The following SOS1 variants were observed in gnomAD, a reference collection of about 807,000 sequenced individuals.
SOS1 encodes son of sevenless homolog 1.
SOS1 carries 25 observed loss-of-function variants against 157.6 expected under a neutral mutation model. That is an observed-to-expected ratio of 0.16 (90% CI 0.12 to 0.22). SOS1 has a LOEUF of 0.22. Ranked by LOEUF, SOS1 falls within the 10% of genes least tolerant of loss-of-function variation. SOS1 has a pLI of 1.00. For synonymous variants in SOS1, 528 were observed against 534.0 expected (o/e 0.99, Z 0.16); for missense variants, 1,237 against 1,599.1 (o/e 0.77, Z 3.86).
intron 1 of SOS1, among the ~76,000 whole-genome samples, chr2:39,080,253 C>G (rs1249405982): frequency 6.6e-6 from 1 of 151,982 alleles, no homozygotes; most frequent in Non-Finnish European, 1.5e-5. Context: ...AACCTAGATG[C>G]CTCACATGCA....
chr2:39,038,405 T>C (rs1670431589), intron 6 of SOS1, among the ~76,000 whole-genome samples: 2 of 151,958 alleles, frequency 1.3e-5, no homozygotes, highest in South Asian at 4.2e-4. Context: ...ATGATAAAAC[T>C]TGAATGGAGA....
chr2:39,050,880 TTACAGTAGGCCATTGGGTGACAG>T (rs1670990245), intron 6 of SOS1, among the ~76,000 whole-genome samples: 1 of 152,166 alleles, frequency 6.6e-6, no homozygotes, highest in South Asian at 2.1e-4. Flanking sequence ...TCTTAACGTT[TTACAGTAGGCCATTGGGTGACAG>T]CTGTAATACC....
intron 1 of SOS1, among the ~76,000 whole-genome samples, chr2:39,084,516 G>C (rs1318706311): frequency 6.6e-6 from 1 of 151,744 alleles, no homozygotes; most frequent in African/African-American, 2.4e-5. Context: ...GAGAAGAGAA[G>C]AAAAAGGGGG....
intron 1 of SOS1, among the ~76,000 whole-genome samples, chr2:39,085,403 T>A (rs1364006875): frequency 6.6e-6 from 1 of 152,228 alleles, no homozygotes; most frequent in African/African-American, 2.4e-5. Context: ...TAAGCTGGAA[T>A]GGCAATTCAC....
At chr2:39,117,222 G>A (rs1447484229) in intron 1 of SOS1, among the ~76,000 whole-genome samples, 2 of 151,988 alleles carry the variant, frequency 1.3e-5, no homozygotes, top group Non-Finnish European at 2.9e-5. Flanking sequence ...TAGAGATGGG[G>A]TTTCACCACG....
chr2:39,072,940 G>C (rs1036319855), intron 1 of SOS1, among the ~76,000 whole-genome samples: 1 of 152,120 alleles, frequency 6.6e-6, no homozygotes, highest in African/African-American at 2.4e-5. Context: ...CGCAAGCAGA[G>C]TACCAACTCC....
rs947896619 is a variant in SOS1 at position 39,036,205 on chromosome 2, T to C, written c.865-705A>G. 2.6e-5 allele frequency among the ~76,000 whole-genome samples: 4 copies of C among 152,198 alleles called. No individual in the cohort carries two copies. In the South Asian group the frequency reaches 8.3e-4, roughly 32 times the overall value. On this transcript the variant is annotated intron_variant, in intron 6 of 22. Transcript: ENST00000402219. Reference sequence around the variant, plus strand: ...CTATTATGAAAATGGTGCTCTAGATTCTAGCATGAGCTCATTTCCATAAAG... The same window carrying C: ...CTATTATGAAAATGGTGCTCTAGATCCTAGCATGAGCTCATTTCCATAAAG...
chr2:39,009,269 T>C (rs1669383153), intron 15 of SOS1, among the ~76,000 whole-genome samples: 1 of 151,960 alleles, frequency 6.6e-6, no homozygotes, highest in African/African-American at 2.4e-5. Flanking sequence ...AAAAAAAATA[T>C]TAACTTGAAG....
chr2:39,037,340 A>G (rs902930484), intron 6 of SOS1, among the ~76,000 whole-genome samples: 2 of 152,202 alleles, frequency 1.3e-5, no homozygotes, highest in Admixed American at 1.3e-4. Context: ...TCATATGCCA[A>G]ATATCATAAT....
intron 1 of SOS1, among the ~76,000 whole-genome samples, chr2:39,119,399 C>A (rs1159063809): frequency 6.6e-6 from 1 of 152,168 alleles, no homozygotes; most frequent in Non-Finnish European, 1.5e-5. Flanking sequence ...AAATATCAGA[C>A]ACCTTTTAAT....
At chr2:39,034,986 AAAC>A (rs1670293298) in intron 8 of SOS1, 1 of 607,366 alleles carries the variant, frequency 1.6e-6, no homozygotes, top group Non-Finnish European at 3.0e-6. Context: ...AAAAAAGAAA[AAAC>A]AAAAAACAAA....
chr2:39,083,178 C>T lies in SOS1; in HGVS notation c.88-15425G>A, dbSNP rs549939269. Among the ~76,000 whole-genome samples the T allele has an allele frequency of 1.0e-3, 153 of 152,110 alleles. 1 individual carries two copies. Among genetic ancestry groups the T allele is most frequent in the Non-Finnish European group, 4.1e-4 (28 of 67,976 alleles). ...CCTCTACTGATTTAGTTGGGTATGA[C>T]AAAAATGACCCAATTCGGATGATTA... On this transcript the variant is annotated intron_variant, in intron 1 of 22. Transcript: ENST00000402219.
At chr2:39,002,875 G>A (rs1377282696) in intron 17 of SOS1, among the ~76,000 whole-genome samples, 1 of 151,932 alleles carries the variant, frequency 6.6e-6, no homozygotes, top group Non-Finnish European at 1.5e-5. Context: ...GACCAGCCTG[G>A]GCAACCTGGT....
At chr2:39,011,728 G>A (rs551703930) in intron 14 of SOS1, among the ~76,000 whole-genome samples, 1 of 152,294 alleles carries the variant, frequency 6.6e-6, no homozygotes, top group Non-Finnish European at 1.5e-5. Context: ...CCCTTACTTT[G>A]TGCTAGGTAA....
intron 9 of SOS1, 135 bp from the exon 10 acceptor site, chr2:39,023,360 G>C: frequency 3.3e-6 from 2 of 604,606 alleles, no homozygotes; most frequent in Non-Finnish European, 5.4e-6. Flanking sequence ...AAATAGATTA[G>C]AATTACAAAA....
rs79113867 is a variant in SOS1, at chr2:39,041,236, T to C, written c.865-5736A>G. Among the ~76,000 whole-genome samples the C allele has an allele frequency of 1.7e-3, 255 of 152,252 alleles. 2 individuals are homozygous for C. The East Asian group carries it at 0.022, about 13-fold the overall frequency. On this transcript the variant is annotated intron_variant, in intron 6 of 22. Coordinates refer to ENST00000402219, the MANE Select transcript of SOS1 (RefSeq NM_005633.4). ...CCATCCTGGGCAAATTTTCTAATTT[T>C]TGTAAAGACAGGGTCTCACTATGTT...
At chr2:39,076,531 T>C (rs1672004649) in intron 1 of SOS1, among the ~76,000 whole-genome samples, 2 of 152,242 alleles carry the variant, frequency 1.3e-5, no homozygotes, top group South Asian at 4.1e-4. Context: ...ATTCTCACAT[T>C]AACAGATAAA....
At chr2:38,989,166 C>T (rs1174310109) in intron 21 of SOS1, 104 bp downstream of exon 21, 1 of 771,466 alleles carries the variant, frequency 1.3e-6, no homozygotes, top group African/African-American at 1.7e-5. Context: ...AAGCAAGGTA[C>T]CAATGCTGCC....
intron 2 of SOS1, 149 bp downstream of exon 2, chr2:39,067,479 G>A: frequency 1.3e-6 from 1 of 768,978 alleles, no homozygotes; most frequent in South Asian, 1.5e-5. Context: ...TTCTGGATAA[G>A]GGATACTCAA....
Sources: allele counts gnomAD v4.1 joint callset (sites outside exome capture counted in the v4.1 genomes callset), GRCh38; gene constraint gnomAD v4.1.1; transcripts MANE v1.5; gene names NCBI Gene and HGNC (gene_info 2026-07-23, HGNC 2026-07-21).